The following ADGRL3 variants were observed in gnomAD, a reference collection of about 807,000 sequenced individuals.
The protein encoded by ADGRL3 is calcium-independent alpha-latrotoxin receptor 3.
Under a neutral mutation model 153.5 loss-of-function variants are expected in ADGRL3, and 62 were observed. The ratio of observed to expected loss-of-function variants is 0.40; its 90% CI spans 0.33 to 0.50. ADGRL3 has a LOEUF of 0.50. ADGRL3 is among the 20% of genes least tolerant of loss of function. The probability of loss-of-function intolerance (pLI) is 0.47; values close to 1 mark genes in which losing one functional copy is unlikely to be tolerated. For missense variants in ADGRL3, 1,641 were observed against 1,859.4 expected (o/e 0.88, Z 2.16); for synonymous variants, 710 against 672.5 (o/e 1.06, Z -0.86).
intron 9 of ADGRL3, 137 bp downstream of exon 9, chr4:61,814,026 A>T (rs1580958736): frequency 9.2e-7 from 1 of 1,082,962 alleles, no homozygotes; most frequent in African/African-American, 1.6e-5. Context: ...AGTAATCTGG[A>T]GATAAAGCAA....
At chr4:61,575,182 T>G (rs1288329003) in intron 4 of ADGRL3, among the ~76,000 whole-genome samples, 2 of 151,988 alleles carry the variant, frequency 1.3e-5, no homozygotes, top group African/African-American at 4.8e-5. Context: ...TCCTTTCTAC[T>G]TTCTCCTTCA....
intron 4 of ADGRL3, among the ~76,000 whole-genome samples, chr4:61,547,631 G>T (rs2098720059): frequency 5.9e-5 from 9 of 151,938 alleles, no homozygotes; most frequent in Admixed American, 5.9e-4. Context: ...TGGTGTATAT[G>T]TACCATGTTA....
intron 17 of ADGRL3, among the ~76,000 whole-genome samples, chr4:61,968,312 A>G (rs910897654): frequency 1.3e-5 from 2 of 152,188 alleles, no homozygotes; most frequent in Non-Finnish European, 2.9e-5. Context: ...GTCCTAAACT[A>G]CACAGAACTT....
intron 4 of ADGRL3, among the ~76,000 whole-genome samples, chr4:61,527,488 A>G (rs1056189787): frequency 1.3e-5 from 2 of 152,080 alleles, no homozygotes; most frequent in African/African-American, 4.8e-5. Flanking sequence ...ATATATACAC[A>G]TATGTACATA....
At chr4:61,436,436 A>G (rs1056651504) in intron 2 of ADGRL3, among the ~76,000 whole-genome samples, 1 of 152,226 alleles carries the variant, frequency 6.6e-6, no homozygotes, top group African/African-American at 2.4e-5. Context: ...TTATTATTCT[A>G]TTCTCAAGGA....
At chr4:61,808,352 C>G (rs1215534446) in intron 8 of ADGRL3, among the ~76,000 whole-genome samples, 2 of 152,130 alleles carry the variant, frequency 1.3e-5, no homozygotes, top group Non-Finnish European at 2.9e-5. Flanking sequence ...TTCTGTGCAG[C>G]AAGTAAAATC....
intron 4 of ADGRL3, among the ~76,000 whole-genome samples, chr4:61,536,095 G>A (rs2098654231): frequency 2.0e-5 from 3 of 151,782 alleles, no homozygotes; most frequent in Admixed American, 6.6e-5. Flanking sequence ...CCTTTTATAT[G>A]TTTCTAAAAA....
intron 2 of ADGRL3, among the ~76,000 whole-genome samples, chr4:61,489,594 T>A (rs2098235090): frequency 6.6e-6 from 1 of 152,108 alleles, no homozygotes; most frequent in African/African-American, 2.4e-5. Flanking sequence ...AATAGCATAA[T>A]GACTGCTAAG....
intron 8 of ADGRL3, among the ~76,000 whole-genome samples, chr4:61,763,190 C>CTT (rs771693851): frequency 0.072 from 9,835 of 137,222 alleles, 1,212 homozygotes; most frequent in African/African-American, 0.25. Context: ...AGTAACATTT[C>CTT]TTTTTTTTTT....
intron 19 of ADGRL3, among the ~76,000 whole-genome samples, chr4:61,990,557 T>C (rs2099100164): frequency 6.6e-6 from 1 of 152,034 alleles, no homozygotes; most frequent in Non-Finnish European, 1.5e-5. Context: ...TGATTTATGA[T>C]ATATAAATCA....
chr4:61,881,211 A>C (rs1033720002), intron 9 of ADGRL3, among the ~76,000 whole-genome samples: 1 of 152,208 alleles, frequency 6.6e-6, no homozygotes, highest in Non-Finnish European at 1.5e-5. Flanking sequence ...GTTTATTAGA[A>C]ACGAACAGAT....
intron 1 of ADGRL3, among the ~76,000 whole-genome samples, chr4:61,299,628 T>C (rs1045072172): frequency 3.9e-5 from 6 of 152,188 alleles, no homozygotes; most frequent in Non-Finnish European, 7.3e-5. Flanking sequence ...TGTGGGGCTT[T>C]ATATTAATTT....
intron 8 of ADGRL3, among the ~76,000 whole-genome samples, chr4:61,757,040 T>G (rs568860323): frequency 6.6e-6 from 1 of 152,302 alleles, no homozygotes; most frequent in East Asian, 1.9e-4. Context: ...TATTGAGGAT[T>G]TTTGCGTCGA....
At chr4:62,066,573 A>C (rs1222651225) in intron 25 of ADGRL3, among the ~76,000 whole-genome samples, 1 of 152,208 alleles carries the variant, frequency 6.6e-6, no homozygotes, top group African/African-American at 2.4e-5. Context: ...TAATTTTTGT[A>C]AAGATAAATC....
rs147889759 is a variant in ADGRL3, at chr4:61,521,384, C to G, written c.259+3866C>G. ...TCTAGTAATGATCTGGAGAAGTGGT[C>G]AGAGATCTGGTCAGGAAGAACACAA... On this transcript the variant is annotated intron_variant, in intron 4 of 26. Transcript: ENST00000683033. Among the ~76,000 whole-genome samples, 5 of 152,206 alleles carry G rather than the reference C, an allele frequency of 3.3e-5. No homozygotes were observed. The East Asian group carries it at 9.7e-4, about 29-fold the overall frequency.
intron 8 of ADGRL3, among the ~76,000 whole-genome samples, chr4:61,742,348 GGCTCA>G (rs1561158352): frequency 3.3e-5 from 5 of 151,854 alleles, no homozygotes; most frequent in Non-Finnish European, 7.4e-5. Context: ...GAGCGATCTC[GGCTCA>G]CTGCAAGCTC....
At chr4:61,491,287 A>G (rs2098255462) in intron 2 of ADGRL3, among the ~76,000 whole-genome samples, 1 of 152,162 alleles carries the variant, frequency 6.6e-6, no homozygotes, top group South Asian at 2.1e-4. Context: ...TTGTAAAATA[A>G]TGGAAATACT....
At chr4:61,746,819 C>A (rs1169344137) in intron 8 of ADGRL3, among the ~76,000 whole-genome samples, 1 of 152,008 alleles carries the variant, frequency 6.6e-6, no homozygotes, top group Non-Finnish European at 1.5e-5. Context: ...AGAGCAAACA[C>A]ATTCAAAAGC....
intron 5 of ADGRL3, among the ~76,000 whole-genome samples, chr4:61,653,579 A>G (rs1454671007): frequency 3.3e-5 from 5 of 152,192 alleles, no homozygotes; most frequent in Non-Finnish European, 4.4e-5. Flanking sequence ...GTATTACTTC[A>G]TCAAGTGATG....
Sources: allele counts gnomAD v4.1 joint callset (sites outside exome capture counted in the v4.1 genomes callset), GRCh38; gene constraint gnomAD v4.1.1; transcripts MANE v1.5; gene names NCBI Gene and HGNC (gene_info 2026-07-23, HGNC 2026-07-21).